The following EXT1 variants were observed in gnomAD, a reference collection of about 807,000 sequenced individuals.
The protein encoded by EXT1 is exostosin glycosyltransferase 1, also known as exostosin-1.
EXT1 carries 20 observed loss-of-function variants against 82.5 expected under a neutral mutation model. That is an observed-to-expected ratio of 0.24 (90% CI 0.17 to 0.35). EXT1 has a LOEUF of 0.35. Ranked by LOEUF, EXT1 falls within the 10% of genes least tolerant of loss-of-function variation. The probability of loss-of-function intolerance (pLI) is 1.00; values close to 1 mark genes in which losing one functional copy is unlikely to be tolerated. For synonymous variants in EXT1, 348 were observed against 350.8 expected (o/e 0.99, Z 0.09); for missense variants, 757 against 936.5 (o/e 0.81, Z 2.50).
chr8:118,107,903 C>T (rs1040151761), intron 1 of EXT1, among the ~76,000 whole-genome samples: 12 of 152,116 alleles, frequency 7.9e-5, no homozygotes, highest in African/African-American at 2.9e-4. Context: ...AATGAAAATC[C>T]AGAAGTGTCC....
Position 117,818,426 on chromosome 8 carries a change from G to A in EXT1, c.1632+9C>T, listed in dbSNP as rs368634215. On this transcript the variant is annotated intron_variant, in intron 7 of 10. Coordinates refer to ENST00000378204, the MANE Select transcript of EXT1 (RefSeq NM_000127.3). ...GTGGTTCCACATATAGGTCCCCTTC[G>A]AGTCTTACCTTGCTCTCTCCTTCAA... 8.7e-6 allele frequency: 14 copies of A among 1,613,494 alleles called. No individual in the cohort carries two copies. The African/African-American group carries it at 1.2e-4, about 14-fold the overall frequency.
At chr8:117,901,526 A>G (rs1800951666) in intron 1 of EXT1, among the ~76,000 whole-genome samples, 1 of 152,150 alleles carries the variant, frequency 6.6e-6, no homozygotes, top group African/African-American at 2.4e-5. Flanking sequence ...AACACTGTAC[A>G]CTCAGGCTAC....
rs1823097997 is a variant in EXT1, at chr8:117,796,998, G to A, written c.*2714C>T. The A allele has an allele frequency of 6.6e-6, 1 of 152,172 alleles. No individual in the cohort carries two copies. Among genetic ancestry groups the A allele is most frequent in the Non-Finnish European group, 1.5e-5 (1 of 68,038 alleles). 9.4% of individuals were successfully genotyped at this position (152,172 alleles called of 1,614,324 possible). ...ATTTCTGCAAGCAATTCATTACGTG[G>A]TTGGCACTGTACTCTCAGCCCTTGG... On this transcript the variant is annotated 3_prime_UTR_variant, in exon 11 of 11. Coordinates refer to ENST00000378204, the MANE Select transcript of EXT1 (RefSeq NM_000127.3).
chr8:117,871,297 A>T (rs1167083508), intron 1 of EXT1, among the ~76,000 whole-genome samples: 1 of 152,206 alleles, frequency 6.6e-6, no homozygotes, highest in Non-Finnish European at 1.5e-5. Context: ...ACAAAAATGC[A>T]GTACTGTTTC....
chr8:117,893,791 C>G (rs1183730106), intron 1 of EXT1, among the ~76,000 whole-genome samples: 1 of 152,190 alleles, frequency 6.6e-6, no homozygotes, highest in Non-Finnish European at 1.5e-5. Context: ...TCAGGTTCCT[C>G]TAAGTCCTCA....
chr8:117,948,762 A>G (rs556078457), intron 1 of EXT1, among the ~76,000 whole-genome samples: 1 of 152,328 alleles, frequency 6.6e-6, no homozygotes, highest in Admixed American at 6.5e-5. Flanking sequence ...AAGGAACTTG[A>G]CCAAAACCCT....
chr8:117,879,326 C>T (rs916959007), intron 1 of EXT1, among the ~76,000 whole-genome samples: 1 of 151,930 alleles, frequency 6.6e-6, no homozygotes, highest in African/African-American at 2.4e-5. Flanking sequence ...CAGTAGCACA[C>T]AGAACGTAAA....
chr8:118,053,042 C>A (rs1816743624), intron 1 of EXT1, among the ~76,000 whole-genome samples: 1 of 152,200 alleles, frequency 6.6e-6, no homozygotes, highest in South Asian at 2.1e-4. Flanking sequence ...CCATGCTGGT[C>A]TCACCATCAT....
intron 1 of EXT1, among the ~76,000 whole-genome samples, chr8:118,109,446 C>A (rs200917927): frequency 1.6e-3 from 43 of 27,686 alleles, no homozygotes; most frequent in Admixed American, 2.2e-3. Context: ...TGAATGAATG[C>A]ATGCATGCAT....
At chr8:117,996,185 C>G (rs1050336287) in intron 1 of EXT1, among the ~76,000 whole-genome samples, 1 of 152,140 alleles carries the variant, frequency 6.6e-6, no homozygotes, top group Non-Finnish European at 1.5e-5. Flanking sequence ...TGAGGAGGAA[C>G]AGCCGACTAC....
chr8:118,040,220 C>G (rs1816504431), intron 1 of EXT1, among the ~76,000 whole-genome samples: 1 of 152,246 alleles, frequency 6.6e-6, no homozygotes, highest in South Asian at 2.1e-4. Context: ...ACCACAGATT[C>G]ATACTAACGC....
intron 1 of EXT1, among the ~76,000 whole-genome samples, chr8:118,018,160 C>A (rs746413076): frequency 6.6e-6 from 1 of 152,152 alleles, no homozygotes; most frequent in African/African-American, 2.4e-5. Flanking sequence ...GAAGACCCAG[C>A]CTCCAAGTAC....
chr8:117,829,176 G>A (rs1297962972), intron 4 of EXT1, among the ~76,000 whole-genome samples: 1 of 152,112 alleles, frequency 6.6e-6, no homozygotes, highest in Non-Finnish European at 1.5e-5. Context: ...ATGCATGCGT[G>A]TGCAGTTTCC....
intron 1 of EXT1, among the ~76,000 whole-genome samples, chr8:117,989,176 C>T (rs1312378209): frequency 6.6e-6 from 1 of 151,970 alleles, no homozygotes; most frequent in Non-Finnish European, 1.5e-5. Flanking sequence ...ATACCTAAGC[C>T]ATAGCAGAGG....
At chr8:117,900,543 A>G (rs1280060709) in intron 1 of EXT1, among the ~76,000 whole-genome samples, 2 of 152,166 alleles carry the variant, frequency 1.3e-5, no homozygotes, top group Admixed American at 1.3e-4. Flanking sequence ...CCCCAAGTCT[A>G]ATTCTGGGGT....
chr8:117,940,157 C>T (rs1586297980), intron 1 of EXT1, among the ~76,000 whole-genome samples: 1 of 152,330 alleles, frequency 6.6e-6, no homozygotes, highest in East Asian at 1.9e-4. Context: ...GAATGTCATC[C>T]AAGAAGTAAT....
chr8:117,865,438 A>T (rs2129875922), intron 1 of EXT1, among the ~76,000 whole-genome samples: 1 of 152,324 alleles, frequency 6.6e-6, no homozygotes, highest in South Asian at 2.1e-4. Flanking sequence ...GTCATCTTCC[A>T]TTCAGTGGTA....
rs1159601617 is a variant in EXT1, at chr8:117,796,977, C to A, written c.*2735G>T. The A allele has an allele frequency of 6.6e-6, 1 of 152,222 alleles. No homozygotes were observed. Among genetic ancestry groups the A allele is most frequent in the African/African-American group, 2.4e-5 (1 of 41,458 alleles). The allele number at this position is 152,222 out of a possible 1,614,324, so 9.4% of individuals were successfully genotyped here. A position where few individuals can be genotyped will look rare whatever the true frequency, so the allele number is the denominator to read the frequency against. ...AGTGGCTGAGTCCTCTTTGGAATTT[C>A]TGCAAGCAATTCATTACGTGGTTGG... On this transcript the variant is annotated 3_prime_UTR_variant, in exon 11 of 11. Transcript: ENST00000378204.
intron 1 of EXT1, among the ~76,000 whole-genome samples, chr8:117,858,799 GCAAGGC>G (rs1405769989): frequency 1.2e-5 from 1 of 83,038 alleles, no homozygotes; most frequent in African/African-American, 5.4e-5. Context: ...GCAAGGCAAG[GCAAGGC>G]AAGGCAGGAA....
Sources: allele counts gnomAD v4.1 joint callset (sites outside exome capture counted in the v4.1 genomes callset), GRCh38; gene constraint gnomAD v4.1.1; transcripts MANE v1.5; gene names NCBI Gene and HGNC (gene_info 2026-07-23, HGNC 2026-07-21).